The following STPG2 variants were observed in gnomAD, a reference collection of about 807,000 sequenced individuals.
The protein encoded by STPG2 is sperm tail PG-rich repeat containing 2, also known as sperm-tail PG-rich repeat-containing protein 2.
Under a neutral mutation model 54.2 loss-of-function variants are expected in STPG2, and 56 were observed. That is an observed-to-expected ratio of 1.03 (90% CI 0.83 to 1.29). The LOEUF is 1.29. STPG2 is among the 50% of genes most tolerant of loss of function. STPG2 has a pLI of 0.00. For synonymous variants in STPG2, 200 were observed against 181.8 expected (o/e 1.10, Z -0.81); for missense variants, 596 against 544.9 (o/e 1.09, Z -0.93).
chr4:98,125,761 G>A (rs980802664), intron 3 of STPG2, among the ~76,000 whole-genome samples: 2 of 152,182 alleles, frequency 1.3e-5, no homozygotes, highest in Non-Finnish European at 2.9e-5. Context: ...AGGGCCAGCT[G>A]GCAGGAAAGA....
chr4:97,778,558 C>T (rs745752440), intron 9 of STPG2, among the ~76,000 whole-genome samples: 9 of 152,126 alleles, frequency 5.9e-5, no homozygotes, highest in Non-Finnish European at 1.3e-4. Context: ...CTTAACTGTC[C>T]CTGTCTGACA....
chr4:97,531,593 G>C (rs1465256024), intron 4 of STPG2, among the ~76,000 whole-genome samples: 1 of 152,172 alleles, frequency 6.6e-6, no homozygotes, highest in Non-Finnish European at 1.5e-5. Context: ...TATGTTATGT[G>C]AGATAAGCCA....
chr4:98,100,747 CT>C (rs1739007341), intron 5 of STPG2, among the ~76,000 whole-genome samples: 1 of 147,336 alleles, frequency 6.8e-6, no homozygotes, highest in African/African-American at 2.5e-5. Flanking sequence ...GCAATCTCGG[CT>C]CACTGCAACC....
chr4:97,757,389 A>T (rs1725762597), intron 9 of STPG2, among the ~76,000 whole-genome samples: 1 of 152,180 alleles, frequency 6.6e-6, no homozygotes, highest in Non-Finnish European at 1.5e-5. Context: ...AAGATGAGAT[A>T]CTGTGATTAA....
At chr4:97,606,331 A>G (rs1733591573) in intron 10 of STPG2, among the ~76,000 whole-genome samples, 1 of 151,938 alleles carries the variant, frequency 6.6e-6, no homozygotes, top group Non-Finnish European at 1.5e-5. Context: ...CTTACTGAAT[A>G]TGACTATAAC....
At chr4:97,501,617 C>T (rs1730727006) in intron 4 of STPG2, among the ~76,000 whole-genome samples, 1 of 151,738 alleles carries the variant, frequency 6.6e-6, no homozygotes, top group African/African-American at 2.4e-5. Context: ...ATTGCTTGAG[C>T]CCAGGAGGTC....
At chr4:97,996,705 T>C (rs893160217) in intron 5 of STPG2, among the ~76,000 whole-genome samples, 2 of 145,998 alleles carry the variant, frequency 1.4e-5, no homozygotes, top group East Asian at 2.0e-4. Context: ...CCAGAATCTA[T>C]AAGGAAACTA....
chr4:97,806,841 G>A (rs1727583509), intron 9 of STPG2, among the ~76,000 whole-genome samples: 1 of 152,000 alleles, frequency 6.6e-6, no homozygotes, highest in Non-Finnish European at 1.5e-5. Context: ...TTAATCATAA[G>A]AAACCTTGTT....
chr4:97,894,453 CCTTT>C (rs1730886459), intron 8 of STPG2, among the ~76,000 whole-genome samples: 1 of 151,854 alleles, frequency 6.6e-6, no homozygotes, highest in Admixed American at 6.6e-5. Flanking sequence ...AAGAAAATTT[CCTTT>C]CTAAGATAAG....
chr4:98,101,868 C>T (rs1230885948), intron 5 of STPG2, among the ~76,000 whole-genome samples: 3 of 147,130 alleles, frequency 2.0e-5, no homozygotes, highest in Non-Finnish European at 4.5e-5. Context: ...ATTATCTTCC[C>T]CCTCCCCCCC....
intron 8 of STPG2, among the ~76,000 whole-genome samples, chr4:97,896,608 ACTAT>A (rs1404134979): frequency 1.3e-5 from 2 of 151,792 alleles, no homozygotes; most frequent in African/African-American, 4.8e-5. Flanking sequence ...TACACCCATC[ACTAT>A]CTATTTATTC....
chr4:97,814,060 A>C lies in STPG2; in HGVS notation c.1204+26713T>G, dbSNP rs553139582. 1.2e-4 allele frequency among the ~76,000 whole-genome samples: 18 copies of C among 152,280 alleles called. No homozygotes were observed. In the South Asian group the frequency reaches 3.3e-3, roughly 28 times the overall value. On this transcript the variant is annotated intron_variant, in intron 9 of 10. Coordinates refer to ENST00000295268, the MANE Select transcript of STPG2 (RefSeq NM_174952.3). The stretch of plus-strand genomic sequence containing the variant: ...AATTATTACAATGATAATACACCTA[A>C]TGAGATCATGAAAAATCAAAAACAG...
intron 9 of STPG2, among the ~76,000 whole-genome samples, chr4:97,741,496 T>A (rs1018376741): frequency 1.1e-4 from 16 of 151,438 alleles, no homozygotes; most frequent in African/African-American, 3.6e-4. Context: ...GAATCTACAA[T>A]GAACTCAAAC....
chr4:97,854,056 G>A (rs1243602485), intron 8 of STPG2, among the ~76,000 whole-genome samples: 1 of 152,108 alleles, frequency 6.6e-6, no homozygotes, highest in South Asian at 2.1e-4. Context: ...GAACTCCTGG[G>A]CTCAAGTGAT....
At chr4:97,491,236 C>CT (rs969829553) in intron 4 of STPG2, among the ~76,000 whole-genome samples, 2 of 151,354 alleles carry the variant, frequency 1.3e-5, no homozygotes, top group African/African-American at 2.4e-5. Context: ...CAATCTTGGG[C>CT]TTTTTTACCC....
chr4:97,668,919 A>T (rs1398365531), intron 10 of STPG2, among the ~76,000 whole-genome samples: 1 of 152,122 alleles, frequency 6.6e-6, no homozygotes, highest in Non-Finnish European at 1.5e-5. Context: ...TAATAAAGGT[A>T]TAGCACTTGA....
At chr4:97,888,408 T>C (rs1730657879) in intron 8 of STPG2, among the ~76,000 whole-genome samples, 1 of 152,204 alleles carries the variant, frequency 6.6e-6, no homozygotes, top group Non-Finnish European at 1.5e-5. Flanking sequence ...TGCACCAGTG[T>C]GCTCTGGAGG....
chr4:97,949,774 C>T (rs867362318), intron 7 of STPG2, among the ~76,000 whole-genome samples: 3 of 152,148 alleles, frequency 2.0e-5, no homozygotes, highest in Admixed American at 2.0e-4. Flanking sequence ...AAGGTTTTCC[C>T]TTACAGGTTA....
At chr4:97,890,883 C>T (rs1006854442) in intron 8 of STPG2, among the ~76,000 whole-genome samples, 1 of 151,666 alleles carries the variant, frequency 6.6e-6, no homozygotes, top group Admixed American at 6.6e-5. Context: ...CATGTACAAA[C>T]TATATAAACA....
Sources: allele counts gnomAD v4.1 joint callset (sites outside exome capture counted in the v4.1 genomes callset), GRCh38; gene constraint gnomAD v4.1.1; transcripts MANE v1.5; gene names NCBI Gene and HGNC (gene_info 2026-07-23, HGNC 2026-07-21).